TBC1D16: variants seen among roughly 807,000 people sequenced by gnomAD.
TBC1D16 encodes the protein CTD-2529O21.1.
In TBC1D16, 58 loss-of-function variants were observed where a neutral mutation model predicts 74.7. The observed-to-expected ratio is 0.78, with a 90% CI of 0.63 to 0.97. The LOEUF is 0.97. Among genes scored for constraint, TBC1D16 ranks in the 50% least tolerant of loss-of-function variants. The pLI is 0.00. For synonymous variants in TBC1D16, 493 were observed against 474.7 expected (o/e 1.04, Z -0.50); for missense variants, 1,014 against 1,079.5 (o/e 0.94, Z 0.85).
At chr17:79,958,322 C>A (rs958534317) in intron 3 of TBC1D16, among the ~76,000 whole-genome samples, 1 of 151,194 alleles carries the variant, frequency 6.6e-6, no homozygotes, top group Non-Finnish European at 1.5e-5. Flanking sequence ...CGGGTTCAAG[C>A]GATTCTCCTG....
intron 3 of TBC1D16, among the ~76,000 whole-genome samples, chr17:80,003,419 C>T (rs941041931): frequency 1.3e-5 from 2 of 152,136 alleles, no homozygotes; most frequent in Admixed American, 6.5e-5. Context: ...GCCCCGCTGG[C>T]GGCACGGGAC....
At position 79,935,532 on chromosome 17, in the gene TBC1D16, G is replaced by C. The variant is rs961765065; in HGVS notation, c.*5327C>G. The C allele has an allele frequency of 6.6e-5, 10 of 151,534 alleles. No homozygotes were observed. The highest frequency in any genetic ancestry group is 2.5e-4 in the African/African-American group (10 of 40,678). 9.4% of individuals were successfully genotyped at this position (151,534 alleles called of 1,614,324 possible). A position where few individuals can be genotyped will look rare whatever the true frequency, so the allele number is the denominator to read the frequency against. On this transcript the variant is annotated 3_prime_UTR_variant, in exon 12 of 12. Transcript: ENST00000310924. ...ACACTGGCGTCTGCAGGCTGCCCTT[G>C]GGCTGCCACGGGGCCCTGTTTGCCC...
intron 3 of TBC1D16, among the ~76,000 whole-genome samples, chr17:79,960,509 AT>A (rs2033543620): frequency 6.6e-6 from 1 of 152,124 alleles, no homozygotes; most frequent in Non-Finnish European, 1.5e-5. Flanking sequence ...TAATCCCAGC[AT>A]TTTGGGAAGC....
At position 79,980,564 on chromosome 17, in the gene TBC1D16, G is replaced by A. The variant is rs1287081104; in HGVS notation, c.780-27746C>T. Among the ~76,000 whole-genome samples the A allele has an allele frequency of 6.6e-6, 1 of 152,198 alleles. No individual in the cohort carries two copies. Among genetic ancestry groups the A allele is most frequent in the Non-Finnish European group, 1.5e-5 (1 of 68,040 alleles). The stretch of plus-strand genomic sequence containing the variant: ...CCAGTCTGTTCCTCTCCCTAACCAG[G>A]ACACTGTGGTGCAGACAGTGTAGGG... On this transcript the variant is annotated intron_variant, in intron 3 of 11. Coordinates refer to ENST00000310924, the MANE Select transcript of TBC1D16 (RefSeq NM_019020.4). The surrounding 1 kb of genome is among the most constrained non-coding windows in gnomAD (Gnocchi z 7.0).
rs1447851821 is a variant in TBC1D16 at position 79,975,067 on chromosome 17, G to A, written c.780-22249C>T. On this transcript the variant is annotated intron_variant, in intron 3 of 11. Transcript: ENST00000310924. The surrounding 1 kb of genome is among the most constrained non-coding windows in gnomAD (Gnocchi z 4.5). ...TGCTCCGTCACCTCCTCGCCATGCC[G>A]TCCCCACTGCCAGTGGGCGCAACGT... 4.6e-5 allele frequency among the ~76,000 whole-genome samples: 7 copies of A among 152,110 alleles called. No individual in the cohort carries two copies. Among genetic ancestry groups the A allele is most frequent in the South Asian group, 2.1e-4 (1 of 4,824 alleles).
intron 3 of TBC1D16, among the ~76,000 whole-genome samples, chr17:79,962,382 T>C (rs1306980271): frequency 1.3e-5 from 2 of 151,352 alleles, no homozygotes; most frequent in Non-Finnish European, 2.9e-5. Context: ...GCCTGGCTAA[T>C]TTTTGTATTT....
intron 3 of TBC1D16, among the ~76,000 whole-genome samples, chr17:79,957,432 G>C (rs149730956): frequency 6.6e-6 from 1 of 152,354 alleles, no homozygotes; most frequent in African/African-American, 2.4e-5. Flanking sequence ...GGTTTACTAA[G>C]TGAAGGGACC....
At chr17:80,025,058 C>A (rs2036509631) in intron 1 of TBC1D16, among the ~76,000 whole-genome samples, 2 of 98,074 alleles carry the variant, frequency 2.0e-5, no homozygotes, top group Non-Finnish European at 4.2e-5. Flanking sequence ...ACCAGGCACA[C>A]ACACTATGAC....
chr17:79,962,406 G>T (rs1458903627), intron 3 of TBC1D16, among the ~76,000 whole-genome samples: 8 of 150,830 alleles, frequency 5.3e-5, no homozygotes, highest in Non-Finnish European at 1.2e-4. Context: ...GTAGAGATGG[G>T]GTTTCACCAT....
At chr17:80,031,633 C>G (rs1422191661) in intron 1 of TBC1D16, among the ~76,000 whole-genome samples, 1 of 152,170 alleles carries the variant, frequency 6.6e-6, no homozygotes, top group Non-Finnish European at 1.5e-5. Context: ...CAAGGAGAGA[C>G]CATCTGCCAT....
At chr17:79,946,356 T>C (rs980887187) in intron 9 of TBC1D16, among the ~76,000 whole-genome samples, 3 of 152,246 alleles carry the variant, frequency 2.0e-5, no homozygotes, top group Non-Finnish European at 4.4e-5. Context: ...GAGAATCTAA[T>C]GCAGCCGCTG....
rs1226225126 is a variant in TBC1D16, at chr17:79,945,011, A to G, written c.1805T>C (p.Leu602Pro). Residue 602 changes from leucine (L) to proline (P), a missense_variant, in exon 10 of 12, where the codon CTG (leucine) becomes CCG (proline). Coordinates refer to ENST00000310924, the MANE Select transcript of TBC1D16 (RefSeq NM_019020.4). ...QHLVSLGEDG[L>P]QMLFCHRWLL... is the part of the protein sequence containing the mutation. Reference sequence around the variant, plus strand: ...CCAGCGGTGGCAGAAGAGCATCTGCAGGCCGTCCTCGCCCAGCGAGACCAG... The same window carrying G: ...CCAGCGGTGGCAGAAGAGCATCTGCGGGCCGTCCTCGCCCAGCGAGACCAG... The G allele has an allele frequency of 5.9e-5, 93 of 1,578,556 alleles. No homozygotes were observed. The highest frequency in any genetic ancestry group is 7.7e-5 in the Non-Finnish European group (89 of 1,163,010).
Position 79,952,752 on chromosome 17 carries a change from G to T in TBC1D16, c.846C>A (p.Arg282=). Reference sequence around the variant, plus strand: ...CGCACACCCGCTGCGGCTCGTCCCAGCGTGGGGTCTGCAGGAGGCCGTTGC... The same window carrying T: ...CGCACACCCGCTGCGGCTCGTCCCATCGTGGGGTCTGCAGGAGGCCGTTGC... ...PDSNGLLQTP[R]WDEPQRVCAL... is the part of the protein sequence containing the mutation. The change falls in exon 4 of 12, where the codon CGC becomes CGA. Residue 282 remains arginine (R), a synonymous_variant. Transcript: ENST00000310924. 12 of 1,612,278 alleles carry T rather than the reference G, an allele frequency of 7.4e-6. No individual in the cohort carries two copies. Among genetic ancestry groups the T allele is most frequent in the Non-Finnish European group, 1.0e-5 (12 of 1,179,458 alleles).
intron 3 of TBC1D16, among the ~76,000 whole-genome samples, chr17:79,976,840 T>A (rs2034351095): frequency 6.6e-6 from 1 of 152,162 alleles, no homozygotes; most frequent in Non-Finnish European, 1.5e-5. Flanking sequence ...CTCCTCTCTA[T>A]GGAATCGGTC....
At chr17:80,024,742 CAA>C (rs1375471983) in intron 1 of TBC1D16, among the ~76,000 whole-genome samples, 1 of 129,596 alleles carries the variant, frequency 7.7e-6, no homozygotes, top group African/African-American at 3.0e-5. Flanking sequence ...CACCAGACAC[CAA>C]GACACACACA....
rs756414717 is a variant in TBC1D16 at position 79,947,768 on chromosome 17, G to A, written c.1605C>T (p.Asp535=). ...CCTCGGCCAAGATGGGCGCCACCAG[G>A]TCCGACATCCCTTGGGAATAGCCGA... ...PAVGYSQGMS[D]LVAPILAEVL... The change falls in exon 9 of 12, where the codon GAC becomes GAT. Residue 535 remains aspartate (D), a synonymous_variant. Coordinates refer to ENST00000310924, the MANE Select transcript of TBC1D16 (RefSeq NM_019020.4). 1.2e-6 allele frequency: 2 copies of A among 1,613,974 alleles called. No individual in the cohort carries two copies. The highest frequency in any genetic ancestry group is 1.6e-4 in the Middle Eastern group (1 of 6,062).
chr17:79,946,387 C>A (rs944201891), intron 9 of TBC1D16, among the ~76,000 whole-genome samples: 2 of 152,246 alleles, frequency 1.3e-5, no homozygotes, highest in Admixed American at 1.3e-4. Context: ...AGGTGGAGCT[C>A]AGGCGGGAAT....
rs539066587 is a variant in TBC1D16, at chr17:79,952,909, C to A, written c.780-91G>T. On this transcript the variant is annotated intron_variant, in intron 3 of 11. Coordinates refer to ENST00000310924, the MANE Select transcript of TBC1D16 (RefSeq NM_019020.4). ...GGGGTCATGGGGGAGTCATTTAAAC[C>A]TACGCACCAAGCTTAAACACACATA... The A allele has an allele frequency of 3.7e-5, 54 of 1,461,856 alleles. No individual in the cohort carries two copies. The East Asian group carries it at 1.1e-3, about 31-fold the overall frequency. 90.6% of individuals were successfully genotyped at this position (1,461,856 alleles called of 1,614,324 possible).
At chr17:79,942,467 C>T (rs940054375) in intron 10 of TBC1D16, among the ~76,000 whole-genome samples, 1 of 151,598 alleles carries the variant, frequency 6.6e-6, no homozygotes, top group Non-Finnish European at 1.5e-5. Flanking sequence ...CTGAGCTCAG[C>T]CCCCACGGGC....
Sources: allele counts gnomAD v4.1 joint callset (sites outside exome capture counted in the v4.1 genomes callset), GRCh38; gene constraint gnomAD v4.1.1; non-coding constraint Gnocchi (gnomAD v3.1); transcripts MANE v1.5; gene names NCBI Gene and HGNC (gene_info 2026-07-23, HGNC 2026-07-21).